The following COPG2 variants were observed in gnomAD, a reference collection of about 807,000 sequenced individuals.
COPG2 encodes coatomer subunit gamma-2.
In COPG2, 37 loss-of-function variants were observed where a neutral mutation model predicts 46.3. The ratio of observed to expected loss-of-function variants is 0.80; its 90% CI spans 0.61 to 1.05. COPG2 has a LOEUF of 1.05. Among genes scored for constraint, COPG2 ranks in the 50% least tolerant of loss-of-function variants. The pLI is 0.00. For missense variants in COPG2, 427 were observed against 387.8 expected (o/e 1.10, Z -0.85); for synonymous variants, 159 against 129.7 (o/e 1.23, Z -1.53).
At chr7:130,540,983 A>AGGCC (rs1799929395) in intron 20 of COPG2, among the ~76,000 whole-genome samples, 1 of 152,202 alleles carries the variant, frequency 6.6e-6, no homozygotes, top group Non-Finnish European at 1.5e-5. Flanking sequence ...TGCTTCTGAT[A>AGGCC]GGCCGCCTTG....
chr7:130,589,513 G>A (rs782044128), intron 9 of COPG2, among the ~76,000 whole-genome samples: 2 of 151,946 alleles, frequency 1.3e-5, no homozygotes, highest in Non-Finnish European at 2.9e-5. Flanking sequence ...TTGAACTCCT[G>A]GCCTCATGCA....
chr7:130,650,311 G>A (rs952477276), intron 5 of COPG2, among the ~76,000 whole-genome samples: 8 of 152,160 alleles, frequency 5.3e-5, no homozygotes, highest in Non-Finnish European at 1.2e-4. Context: ...GAATTGGGAC[G>A]TGGACATCTT....
chr7:130,549,126 C>T (rs1485240248), intron 18 of COPG2, among the ~76,000 whole-genome samples, 188 bp downstream of exon 18: 1 of 151,772 alleles, frequency 6.6e-6, no homozygotes, highest in Non-Finnish European at 1.5e-5. Flanking sequence ...AAAAACATTC[C>T]CAATTAGCAA....
chr7:130,515,181 T>G (rs1799669159), intron 20 of COPG2, among the ~76,000 whole-genome samples: 1 of 152,144 alleles, frequency 6.6e-6, no homozygotes, highest in Non-Finnish European at 1.5e-5. Flanking sequence ...AAGAAATACC[T>G]GGGACTGGGT....
chr7:130,645,442 T>C (rs1795577280), intron 5 of COPG2: 1 of 387,894 alleles, frequency 2.6e-6, no homozygotes, highest in Non-Finnish European at 5.0e-6. Flanking sequence ...TGGGCGAAGA[T>C]GATGTCTTTC....
chr7:130,595,719 T>G (rs1554449603), intron 9 of COPG2, among the ~76,000 whole-genome samples: 5 of 152,212 alleles, frequency 3.3e-5, no homozygotes, highest in African/African-American at 9.6e-5. Context: ...TTCACTATTT[T>G]CTGACTCATC....
intron 9 of COPG2, among the ~76,000 whole-genome samples, chr7:130,587,243 G>A (rs1194042719): frequency 5.3e-5 from 8 of 151,830 alleles, no homozygotes; most frequent in East Asian, 3.9e-4. Context: ...GAAGGTGGAC[G>A]CTACAGTGAG....
intron 5 of COPG2, among the ~76,000 whole-genome samples, chr7:130,625,029 A>T (rs1170630915): frequency 6.6e-6 from 1 of 152,234 alleles, no homozygotes; most frequent in African/African-American, 2.4e-5. Flanking sequence ...CATTCCCATC[A>T]GCAGTGTAAT....
At chr7:130,539,046 G>A (rs1799911168) in intron 20 of COPG2, among the ~76,000 whole-genome samples, 1 of 152,138 alleles carries the variant, frequency 6.6e-6, no homozygotes, top group Non-Finnish European at 1.5e-5. Flanking sequence ...TTTTTCCAGA[G>A]GGCAGAGAGG....
intron 12 of COPG2, among the ~76,000 whole-genome samples, chr7:130,559,978 C>T (rs1248105908): frequency 2.6e-5 from 4 of 152,036 alleles, no homozygotes; most frequent in Admixed American, 2.0e-4. Flanking sequence ...CATACTCTCA[C>T]CAGTTCTATT....
At chr7:130,591,484 C>T (rs1401716724) in intron 9 of COPG2, among the ~76,000 whole-genome samples, 3 of 77,078 alleles carry the variant, frequency 3.9e-5, no homozygotes, top group South Asian at 1.1e-3. Flanking sequence ...GGGGGGTCAG[C>T]CCCCCCGCCC....
Position 130,583,804 on chromosome 7 carries a change from T to A in COPG2, c.738-19411A>T, listed in dbSNP as rs1359706300. On this transcript the variant is annotated intron_variant, in intron 9 of 23. Coordinates refer to ENST00000425248, the MANE Select transcript of COPG2 (RefSeq NM_012133.6). ...ACTGGCAACAGAGCGAGACTCCATC[T>A]CAAAAAAAAAAAAAAAAAAAAAAAA... 2.0e-4 allele frequency among the ~76,000 whole-genome samples: 8 copies of A among 40,490 alleles called. No individual in the cohort carries two copies. The Admixed American group carries it at 2.4e-3, about 12-fold the overall frequency. 26.6% of individuals were successfully genotyped at this position (40,490 alleles called of 152,430 possible). A position where few individuals can be genotyped will look rare whatever the true frequency, so the allele number is the denominator to read the frequency against.
chr7:130,535,202 G>A (rs1261121993), intron 20 of COPG2, among the ~76,000 whole-genome samples: 7 of 152,158 alleles, frequency 4.6e-5, no homozygotes, highest in African/African-American at 1.7e-4. Flanking sequence ...GCCACAGACA[G>A]GCAGGTACCT....
intron 5 of COPG2, among the ~76,000 whole-genome samples, chr7:130,651,531 A>G (rs1795745607): frequency 1.2e-5 from 1 of 80,310 alleles, no homozygotes; most frequent in Admixed American, 1.9e-4. Flanking sequence ...TTTTTTTGAG[A>G]CGGAGTCTCG....
intron 5 of COPG2, among the ~76,000 whole-genome samples, chr7:130,629,104 T>C (rs1795175417): frequency 1.3e-5 from 2 of 152,190 alleles, no homozygotes; most frequent in Non-Finnish European, 2.9e-5. Context: ...TGACACAACA[T>C]TGTCTTCTAG....
intron 9 of COPG2, among the ~76,000 whole-genome samples, chr7:130,589,439 A>G (rs1794354337): frequency 6.6e-6 from 1 of 151,926 alleles, no homozygotes; most frequent in South Asian, 2.1e-4. Context: ...GCTCACCACC[A>G]CACCTGGCTA....
At chr7:130,623,504 C>G (rs73484554) in intron 5 of COPG2, among the ~76,000 whole-genome samples, 9,254 of 152,258 alleles carry the variant, frequency 0.061, 321 homozygotes, top group Admixed American at 0.094. Flanking sequence ...CTTCCTCTCC[C>G]CTCTACCCAA....
intron 1 of COPG2, 110 bp downstream of exon 1, chr7:130,668,522 G>A: frequency 1.0e-6 from 1 of 984,116 alleles, no homozygotes; most frequent in Non-Finnish European, 1.4e-6. Flanking sequence ...CCGGCCCCCT[G>A]GCACGGCGGC....
At chr7:130,511,502 G>C in intron 20 of COPG2, 1 of 520,094 alleles carries the variant, frequency 1.9e-6, no homozygotes, top group Non-Finnish European at 3.8e-6. Context: ...GTGGGAGGGA[G>C]TTTTTCTCTA....
Sources: gnomAD v4.1 joint callset for allele counts (sites outside exome capture counted in the v4.1 genomes callset) on GRCh38, gnomAD v4.1.1 for gene constraint, MANE v1.5 for transcripts, NCBI Gene and HGNC (gene_info 2026-07-23, HGNC 2026-07-21) for gene names.